The following HELZ variants were observed in gnomAD, a reference collection of about 807,000 sequenced individuals.
The protein encoded by HELZ is helicase with zinc finger.
HELZ carries 23 observed loss-of-function variants against 218.2 expected under a neutral mutation model. The observed-to-expected ratio is 0.11, with a 90% CI of 0.08 to 0.15. The LOEUF is 0.15. Among genes scored for constraint, HELZ ranks in the 10% least tolerant of loss-of-function variants. The pLI, the probability that HELZ is intolerant of heterozygous loss-of-function variation, is 1.00. For missense variants in HELZ, 1,813 were observed against 2,353.7 expected, an observed-to-expected ratio of 0.77 and a Z score of 4.75; for synonymous variants, 814 against 829.4, an observed-to-expected ratio of 0.98 and a Z score of 0.32.
At chr17:67,234,139 G>A (rs2041114689) in intron 3 of HELZ, among the ~76,000 whole-genome samples, 3 of 150,372 alleles carry the variant, frequency 2.0e-5, no homozygotes, top group East Asian at 3.9e-4. Flanking sequence ...GCTGGGCAAC[G>A]TGGGAGACCC....
chr17:67,191,816 C>T (rs1181071288), intron 9 of HELZ, among the ~76,000 whole-genome samples: 1 of 147,248 alleles, frequency 6.8e-6, no homozygotes, highest in Admixed American at 6.9e-5. Flanking sequence ...GTTTTAAATA[C>T]CCTGCAAAAT....
intron 7 of HELZ, among the ~76,000 whole-genome samples, chr17:67,196,127 T>G (rs1023580021): frequency 6.6e-6 from 1 of 152,096 alleles, no homozygotes; most frequent in African/African-American, 2.4e-5. Flanking sequence ...GCTAGAATTA[T>G]AGGCGTGAGC....
At position 67,162,193 on chromosome 17, in the gene HELZ, G is replaced by A. The variant is rs193078534; in HGVS notation, c.1896-1117C>T. Among the ~76,000 whole-genome samples, 294 of 152,132 alleles carry A rather than the reference G, an allele frequency of 1.9e-3. 1 individual carries two copies. The highest frequency in any genetic ancestry group is 0.014 in the Middle Eastern group (4 of 294). On this transcript the variant is annotated intron_variant, in intron 15 of 32. Transcript: ENST00000358691. ...CATTTTGGGAGGCCAAGGTAGGAGC[G>A]TCATCTGAGACCAGCAGTTCAAGAC...
chr17:67,150,162 G>A (rs1187271868), intron 18 of HELZ, 177 bp from the exon 19 acceptor site: 2 of 390,136 alleles, frequency 5.1e-6, no homozygotes, highest in African/African-American at 2.4e-5. Context: ...TTGAGACAGG[G>A]TGTCACTCTG....
At chr17:67,204,229 C>T (rs1315768613) in intron 5 of HELZ, among the ~76,000 whole-genome samples, 1 of 152,072 alleles carries the variant, frequency 6.6e-6, no homozygotes, top group Non-Finnish European at 1.5e-5. Context: ...TTTAGTATAA[C>T]ATACCATATA....
intron 13 of HELZ, among the ~76,000 whole-genome samples, chr17:67,168,088 TCTC>T (rs1027390207): frequency 1.3e-4 from 19 of 151,988 alleles, no homozygotes; most frequent in African/African-American, 3.1e-4. Flanking sequence ...GTTCAAGAAT[TCTC>T]CTGCCTCAGC....
At chr17:67,177,033 T>C (rs1258097732) in intron 13 of HELZ, among the ~76,000 whole-genome samples, 1 of 151,640 alleles carries the variant, frequency 6.6e-6, no homozygotes, top group East Asian at 1.9e-4. Flanking sequence ...CAAGCAGTGA[T>C]GTAATCATAG....
chr17:67,110,086 G>A (rs1333238339), intron 28 of HELZ, among the ~76,000 whole-genome samples: 1 of 146,670 alleles, frequency 6.8e-6, no homozygotes, highest in Non-Finnish European at 1.5e-5. Flanking sequence ...GTTTTTTTTT[G>A]AGACAGAGTC....
At chr17:67,180,406 C>T (rs2039573400) in intron 12 of HELZ, among the ~76,000 whole-genome samples, 2 of 152,076 alleles carry the variant, frequency 1.3e-5, no homozygotes, top group South Asian at 2.1e-4. Flanking sequence ...AATAGCCTCA[C>T]AAGCAGAAGT....
At chr17:67,217,930 G>GTTT (rs1316743927) in intron 4 of HELZ, among the ~76,000 whole-genome samples, 6 of 134,804 alleles carry the variant, frequency 4.5e-5, no homozygotes, top group African/African-American at 8.1e-5. Context: ...GTTTTTTGTT[G>GTTT]TTTTTTTTTT....
intron 12 of HELZ, among the ~76,000 whole-genome samples, chr17:67,186,271 G>A (rs1434500863): frequency 1.3e-5 from 2 of 151,820 alleles, no homozygotes; most frequent in African/African-American, 2.4e-5. Context: ...TTAACTAAAC[G>A]TCTACTATGA....
intron 8 of HELZ, among the ~76,000 whole-genome samples, chr17:67,194,460 A>C (rs751988030): frequency 1.3e-5 from 2 of 152,248 alleles, no homozygotes; most frequent in Admixed American, 6.5e-5. Context: ...CCACTACTGC[A>C]CAGTGAGAAG....
Position 67,109,471 on chromosome 17 carries a change from G to A in HELZ, c.4134C>T (p.Thr1378=), listed in dbSNP as rs767686216. The change falls in exon 29 of 33, where the codon ACC becomes ACT. Residue 1378 remains threonine (T), a synonymous_variant. Coordinates refer to ENST00000358691, the MANE Select transcript of HELZ (RefSeq NM_014877.4). ...RPPFPIPQQH[T]LLNQQQNNLP... ...AATTATTCTGCTGCTGATTTAACAAGGTGTGCTGCTGTGGAATTGGAAAGG... is the reference window on the plus strand; with the variant it reads ...AATTATTCTGCTGCTGATTTAACAAAGTGTGCTGCTGTGGAATTGGAAAGG... 1 of 1,614,150 alleles carries A rather than the reference G, an allele frequency of 6.2e-7. No homozygotes were observed. Among genetic ancestry groups the A allele is most frequent in the East Asian group, 2.2e-5 (1 of 44,886 alleles).
At chr17:67,221,911 C>T (rs2040757710) in intron 3 of HELZ, among the ~76,000 whole-genome samples, 1 of 150,176 alleles carries the variant, frequency 6.7e-6, no homozygotes, top group African/African-American at 2.5e-5. Flanking sequence ...GTCGTGCAAT[C>T]ATAGCTCCTG....
At chr17:67,130,626 T>C (rs1341938093) in intron 23 of HELZ, among the ~76,000 whole-genome samples, 2 of 151,988 alleles carry the variant, frequency 1.3e-5, no homozygotes, top group Admixed American at 6.6e-5. Context: ...CATGAGAAAA[T>C]ATAGGGAAGG....
rs112181533 is a variant in HELZ at position 67,131,026 on chromosome 17, T to C, written c.3183-2171A>G. 7.0e-3 allele frequency among the ~76,000 whole-genome samples: 1,073 copies of C among 152,216 alleles called. 15 individuals are homozygous for C. The highest frequency in any genetic ancestry group is 0.025 in the African/African-American group (1,022 of 41,514). ...TCAGCCTCCAGAGTAGCTGGGACTG[T>C]AGTTGTGTGCCACCACACCTGGCTA... On this transcript the variant is annotated intron_variant, in intron 23 of 32. Coordinates refer to ENST00000358691, the MANE Select transcript of HELZ (RefSeq NM_014877.4).
intron 24 of HELZ, among the ~76,000 whole-genome samples, chr17:67,124,947 G>A (rs565372504): frequency 9.0e-4 from 136 of 151,764 alleles, no homozygotes; most frequent in South Asian, 8.3e-3. Flanking sequence ...AGCACATTGC[G>A]CAACTTACCT....
intron 23 of HELZ, among the ~76,000 whole-genome samples, chr17:67,133,168 A>G (rs1337932015): frequency 6.6e-6 from 1 of 152,134 alleles, no homozygotes; most frequent in East Asian, 1.9e-4. Flanking sequence ...ACTCAACATA[A>G]TATATTTACT....
intron 21 of HELZ, among the ~76,000 whole-genome samples, chr17:67,143,723 G>C (rs1445754185): frequency 1.3e-5 from 2 of 151,428 alleles, no homozygotes; most frequent in Non-Finnish European, 2.9e-5. Flanking sequence ...TATAAGTTCA[G>C]AATCAAGAAA....
Sources: allele counts gnomAD v4.1 joint callset (sites outside exome capture counted in the v4.1 genomes callset), GRCh38; gene constraint gnomAD v4.1.1; transcripts MANE v1.5; gene names NCBI Gene and HGNC (gene_info 2026-07-23, HGNC 2026-07-21).